The following GFI1B variants were observed in gnomAD, a reference collection of about 807,000 sequenced individuals.
GFI1B encodes zinc finger protein Gfi-1b.
A neutral mutation model predicts 35.3 loss-of-function variants in GFI1B; 20 were observed. The observed-to-expected ratio is 0.57, with a 90% CI of 0.40 to 0.82. GFI1B has a LOEUF of 0.82. Ranked by LOEUF, GFI1B falls within the 40% of genes least tolerant of loss-of-function variation. The probability of loss-of-function intolerance (pLI) is 0.00; values close to 1 mark genes in which losing one functional copy is unlikely to be tolerated. For missense variants in GFI1B, 430 were observed against 446.3 expected (o/e 0.96, Z 0.33); for synonymous variants, 178 against 177.6 (o/e 1.00, Z -0.02).
intron 6 of GFI1B, among the ~76,000 whole-genome samples, chr9:132,990,194 C>G (rs553055397): frequency 6.6e-6 from 1 of 152,214 alleles, no homozygotes; most frequent in East Asian, 1.9e-4. Context: ...CACTCACTTG[C>G]TCATTCATTT....
At chr9:132,978,095 C>T (rs1848686022), upstream of GFI1B, among the ~76,000 whole-genome samples, 1 of 136,058 alleles carries the variant, frequency 7.3e-6, no homozygotes, top group Admixed American at 7.3e-5. Context: ...GGGTGCTGAA[C>T]TTGGGGAGGG....
chr9:132,986,605 G>A (rs1038430183), intron 1 of GFI1B, 54 bp from the exon 2 acceptor site: 1 of 858,250 alleles, frequency 1.2e-6, no homozygotes, highest in African/African-American at 1.7e-5. Flanking sequence ...CTGAGATATG[G>A]AGGGGTATTG....
At chr9:132,955,680 C>CT (rs1452514742) in intron 1 of GFI1B, among the ~76,000 whole-genome samples, 2 of 151,920 alleles carry the variant, frequency 1.3e-5, no homozygotes, top group Non-Finnish European at 2.9e-5. Flanking sequence ...ACCTTTGTTC[C>CT]TTTTTTTCTG....
chr9:132,964,182 G>A (rs947273387), intron 1 of GFI1B, among the ~76,000 whole-genome samples: 5 of 152,194 alleles, frequency 3.3e-5, no homozygotes, highest in African/African-American at 1.2e-4. Flanking sequence ...GGAGGTTGCA[G>A]TGAGCCGAGA....
intron 1 of GFI1B, among the ~76,000 whole-genome samples, chr9:132,956,856 G>A (rs1048191380): frequency 6.6e-6 from 1 of 152,204 alleles, no homozygotes; most frequent in Non-Finnish European, 1.5e-5. Context: ...TGGTGCTACA[G>A]TCATCCCAAG....
At chr9:132,969,603 C>T (rs1043777013) in intron 1 of GFI1B, among the ~76,000 whole-genome samples, 1 of 152,210 alleles carries the variant, frequency 6.6e-6, no homozygotes, top group African/African-American at 2.4e-5. Context: ...CACGGGTGTG[C>T]AAAGATCTTT....
At chr9:132,965,627 G>A (rs985531015) in intron 1 of GFI1B, among the ~76,000 whole-genome samples, 1 of 152,214 alleles carries the variant, frequency 6.6e-6, no homozygotes, top group Non-Finnish European at 1.5e-5. Context: ...CACGGAGTGG[G>A]AGGCCCCATG....
intron 1 of GFI1B, among the ~76,000 whole-genome samples, chr9:132,984,409 T>A (rs1195508570): frequency 1.3e-5 from 2 of 152,136 alleles, no homozygotes; most frequent in Non-Finnish European, 2.9e-5. Flanking sequence ...GGCCCGAGCC[T>A]GTGTTCAGAG....
In GFI1B at chr9:132,988,360, C is replaced by T. The variant is rs377198808; in HGVS notation, c.402C>T (p.Ser134=). Residue 134 remains serine (S), a synonymous_variant, in exon 4 of 7, where the codon TCC becomes TCT. Transcript: ENST00000372122. ...STMQSAFLEH[S]VSLYGSPLVP... ...TGCAGTCAGCCTTCCTGGAGCACTCCGTCAGCCTGTACGGCAGTCCTCTTG... is the reference window on the plus strand; with the variant it reads ...TGCAGTCAGCCTTCCTGGAGCACTCTGTCAGCCTGTACGGCAGTCCTCTTG... 41 of 1,614,116 alleles carry T rather than the reference C, an allele frequency of 2.5e-5. No homozygotes were observed. Among genetic ancestry groups the T allele is most frequent in the African/African-American group, 4.0e-5 (3 of 75,058 alleles).
At chr9:132,969,988 G>T (rs1848508766) in intron 1 of GFI1B, among the ~76,000 whole-genome samples, 1 of 152,132 alleles carries the variant, frequency 6.6e-6, no homozygotes, top group East Asian at 1.9e-4. Context: ...CTGGCTGCTG[G>T]AGGGCTCCCT....
chr9:132,972,242 T>C (rs1848543098), intron 1 of GFI1B, among the ~76,000 whole-genome samples: 1 of 151,514 alleles, frequency 6.6e-6, no homozygotes, highest in Non-Finnish European at 1.5e-5. Flanking sequence ...ACCAACATAG[T>C]GAAACCCCGT....
At position 132,990,907 on chromosome 9, in the gene GFI1B, G is replaced by A; in HGVS notation, c.850G>A (p.Ala284Thr). The change falls in exon 7 of 7, where the codon GCC (alanine) becomes ACC (threonine). Residue 284 changes from alanine (A) to threonine (T), a missense_variant. Physicochemically the swap from Ala to Thr is moderately conservative, Grantham distance 58. Coordinates refer to ENST00000372122, the MANE Select transcript of GFI1B (RefSeq NM_001377304.1). ...KPHKCQVCGK[A>T]FSQSSNLITH... ...GCACAAGTGCCAGGTGTGCGGAAAG[G>A]CCTTCAGCCAGAGCTCCAACCTCAT... The A allele has an allele frequency of 1.9e-6, 3 of 1,614,236 alleles. No individual in the cohort carries two copies. The highest frequency in any genetic ancestry group is 8.5e-7 in the Non-Finnish European group (1 of 1,180,024).
chr9:132,963,746 T>C (rs1263746581), intron 1 of GFI1B: 1 of 152,140 alleles, frequency 6.6e-6, no homozygotes, highest in Admixed American at 6.5e-5. Context: ...GTTACAGTTC[T>C]TTTAGAATTT....
At chr9:132,955,718 G>A (rs937770770) in intron 1 of GFI1B, among the ~76,000 whole-genome samples, 3 of 151,758 alleles carry the variant, frequency 2.0e-5, no homozygotes, top group Admixed American at 6.6e-5. Flanking sequence ...TAACATAAAC[G>A]GATTGGTTGA....
intron 1 of GFI1B, among the ~76,000 whole-genome samples, chr9:132,959,509 T>C (rs1848333967): frequency 6.6e-6 from 1 of 152,220 alleles, no homozygotes; most frequent in South Asian, 2.1e-4. Flanking sequence ...CGTGTGAATA[T>C]CTAGCAGAGT....
At chr9:132,961,705 C>T (rs1848367670) in intron 1 of GFI1B, among the ~76,000 whole-genome samples, 1 of 151,828 alleles carries the variant, frequency 6.6e-6, no homozygotes, top group Non-Finnish European at 1.5e-5. Flanking sequence ...CATCCTCCTG[C>T]CTCAGCCTCC....
chr9:132,945,812 A>G (rs1249279508), intron 1 of GFI1B: 1 of 153,684 alleles, frequency 6.5e-6, no homozygotes, highest in Non-Finnish European at 1.5e-5. Flanking sequence ...AGGCCATTCC[A>G]GGCAGAGGGA....
At chr9:132,988,149 C>G in intron 3 of GFI1B, 48 bp from the exon 4 acceptor site, 1 of 1,580,952 alleles carries the variant, frequency 6.3e-7, no homozygotes, top group Admixed American at 1.7e-5. Context: ...CTGTGCCCAA[C>G]CCCCTGTGTT....
At chr9:132,958,960 A>G (rs1476045981) in intron 1 of GFI1B, among the ~76,000 whole-genome samples, 1 of 152,172 alleles carries the variant, frequency 6.6e-6, no homozygotes, top group African/African-American at 2.4e-5. Flanking sequence ...CCCTCTGGTG[A>G]GGACAGAGAG....
Sources: allele counts gnomAD v4.1 joint callset (sites outside exome capture counted in the v4.1 genomes callset), GRCh38; gene constraint gnomAD v4.1.1; transcripts MANE v1.5; gene names NCBI Gene and HGNC (gene_info 2026-07-23, HGNC 2026-07-21).